Variants in FBXO2 observed in about 807,000 individuals in gnomAD.
The protein encoded by FBXO2 is F-box protein 2.
Under a neutral mutation model 38.6 loss-of-function variants are expected in FBXO2, and 32 were observed. The observed-to-expected ratio is 0.83, with a 90% CI of 0.62 to 1.11. The LOEUF (loss-of-function observed/expected upper bound fraction) is 1.11. FBXO2 is among the 50% of genes most tolerant of loss of function. The pLI, the probability that FBXO2 is intolerant of heterozygous loss-of-function variation, is 0.00. For synonymous variants in FBXO2, 189 were observed against 182.9 expected (o/e 1.03, Z -0.27); for missense variants, 450 against 418.3 (o/e 1.08, Z -0.66).
In FBXO2 at chr1:11,649,958, C is replaced by A. The variant is rs778758319; in HGVS notation, c.508G>T (p.Ala170Ser). The A allele has an allele frequency of 1.2e-6, 2 of 1,614,020 alleles. No individual in the cohort carries two copies. Among genetic ancestry groups the A allele is most frequent in the South Asian group, 2.2e-5 (2 of 91,084 alleles). ...THDESVKKYFASSFEWCRKAQ... is the reference protein window; with the variant it reads ...THDESVKKYFSSSFEWCRKAQ... Reference sequence around the variant, plus strand: ...CCTTCTCCTTACTCAAAGGAGGAGGCGAAGTACTTCTTGACGCTCTCATCG... The same window carrying A: ...CCTTCTCCTTACTCAAAGGAGGAGGAGAAGTACTTCTTGACGCTCTCATCG... The change falls in exon 3 of 6, where the codon GCC becomes TCC. Residue 170 changes from alanine to serine, a missense_variant. Ala to Ser is a moderately conservative substitution (Grantham distance 99). Transcript: ENST00000354287.
chr1:11,652,687 G>A (rs1444142066), intron 1 of FBXO2, among the ~76,000 whole-genome samples: 1 of 152,176 alleles, frequency 6.6e-6, no homozygotes, highest in Non-Finnish European at 1.5e-5. Context: ...TCAGACCTAC[G>A]GATGGGGAGT....
chr1:11,650,766 G>C lies in FBXO2; in HGVS notation c.91C>G (p.Arg31Gly). The C allele has an allele frequency of 6.5e-7, 1 of 1,533,020 alleles. No individual in the cohort carries two copies. Among genetic ancestry groups the C allele is most frequent in the Non-Finnish European group, 8.7e-7 (1 of 1,145,556 alleles). 95.0% of individuals were successfully genotyped at this position (1,533,020 alleles called of 1,614,324 possible). A position where few individuals can be genotyped will look rare whatever the true frequency, so the allele number is the denominator to read the frequency against. The change falls in exon 2 of 6, where the codon CGG (arginine) becomes GGG (glycine). Residue 31 changes from arginine to glycine, a missense_variant. Physicochemically the swap from Arg to Gly is moderately radical, Grantham distance 125. Transcript: ENST00000354287. Reference sequence around the variant, plus strand: ...TCCTCCTCCTGCTGGTCCTCCGGCCGCTCCTCCTCAGCACTCGCCTCCTCT... The same window carrying C: ...TCCTCCTCCTGCTGGTCCTCCGGCCCCTCCTCCTCAGCACTCGCCTCCTCT... ...QPEEASAEEE[R>G]PEDQQEEEAA... is the part of the protein sequence containing the mutation.
In FBXO2 at chr1:11,654,386, C is replaced by T; in HGVS notation, c.-46G>A. ...AGAGGAGGAGCCGGAGCGCTGCGGG[C>T]TGCGCGAGTCCCGGGGCGGCGAGTC... On this transcript the variant is annotated 5_prime_UTR_variant, in exon 1 of 6. Coordinates refer to ENST00000354287, the MANE Select transcript of FBXO2 (RefSeq NM_012168.6). The T allele has an allele frequency of 2.2e-6, 3 of 1,359,686 alleles. No individual in the cohort carries two copies. 84.2% of individuals were successfully genotyped at this position (1,359,686 alleles called of 1,614,324 possible).
chr1:11,650,425 G>A (rs778518968), intron 2 of FBXO2, 41 bp downstream of exon 2: 2 of 1,589,940 alleles, frequency 1.3e-6, no homozygotes, highest in Non-Finnish European at 1.7e-6. Context: ...GGCCCATTTC[G>A]CAGCAGGGGA....
chr1:11,650,125 G>T (rs1358094156), intron 2 of FBXO2, 51 bp from the exon 3 acceptor site: 1 of 1,604,732 alleles, frequency 6.2e-7, no homozygotes, highest in Non-Finnish European at 8.5e-7. Flanking sequence ...TGCTAAGGCT[G>T]GCTCTTGCCA....
chr1:11,649,482 A>G (rs1639476790), intron 4 of FBXO2: 1 of 590,144 alleles, frequency 1.7e-6, no homozygotes, highest in Non-Finnish European at 3.0e-6. Context: ...GGCCAAAGCC[A>G]GTCCACAGAG....
intron 4 of FBXO2, 91 bp from the exon 5 acceptor site, chr1:11,649,316 T>C: frequency 1.1e-5 from 12 of 1,109,514 alleles, no homozygotes; most frequent in Non-Finnish European, 1.4e-5. Flanking sequence ...GATGGGGATT[T>C]CCACAAAAGT....
chr1:11,654,412 C>G lies in FBXO2; in HGVS notation c.-72G>C. 1.5e-6 allele frequency: 2 copies of G among 1,312,364 alleles called. No homozygotes were observed. The highest frequency in any genetic ancestry group is 1.9e-6 in the Non-Finnish European group (2 of 1,028,008). The allele number at this position is 1,312,364 out of a possible 1,614,324, so 81.3% of individuals were successfully genotyped here. On this transcript the variant is annotated 5_prime_UTR_variant, in exon 1 of 6. Coordinates refer to ENST00000354287, the MANE Select transcript of FBXO2 (RefSeq NM_012168.6). ...TGCGCGAGTCCCGGGGCGGCGAGTC[C>G]CGGCGCTGTCCGCGTCTGTGTCGGT...
intron 1 of FBXO2, chr1:11,653,960 T>C: frequency 8.2e-6 from 2 of 243,124 alleles, no homozygotes; most frequent in Non-Finnish European, 1.6e-5. Context: ...GGCCCAGAGC[T>C]GGAAGAGCTG....
chr1:11,649,766 A>G lies in FBXO2; in HGVS notation c.617+13T>C. 1 of 1,612,078 alleles carries G rather than the reference A, an allele frequency of 6.2e-7. No individual in the cohort carries two copies. Among genetic ancestry groups the G allele is most frequent in the Non-Finnish European group, 8.5e-7 (1 of 1,179,282 alleles). On this transcript the variant is annotated intron_variant, in intron 4 of 5. Coordinates refer to ENST00000354287, the MANE Select transcript of FBXO2 (RefSeq NM_012168.6). ...GCTCCTCCCAGCCCCATGCCACCCC[A>G]GGACCCTCTCACCAGTCCTTCACCA...
chr1:11,648,782 C>A lies in FBXO2; in HGVS notation c.803G>T (p.Arg268Leu). Residue 268 changes from arginine (R) to leucine (L), a missense_variant, in exon 6 of 6, where the codon CGC becomes CTC. Transcript: ENST00000354287. The surrounding 1 kb of genome is among the most constrained non-coding windows in gnomAD (Gnocchi z 4.2). ...TDYGPGVRFVRFEHGGQDSVY... is the reference protein window; with the variant it reads ...TDYGPGVRFVLFEHGGQDSVY... ...GGAGTCCTGCCCCCCGTGCTCGAAG[C>A]GGACGAAGCGGACGCCCGGCCCGTA... 3.1e-6 allele frequency: 5 copies of A among 1,613,714 alleles called. No individual in the cohort carries two copies. The highest frequency in any genetic ancestry group is 4.2e-6 in the Non-Finnish European group (5 of 1,180,016).
intron 1 of FBXO2, chr1:11,653,463 A>G (rs1639577299): frequency 6.6e-6 from 1 of 152,122 alleles, no homozygotes; most frequent in Non-Finnish European, 1.5e-5. Flanking sequence ...GGAGCCCTAC[A>G]GAGGGTGTGG....
chr1:11,651,977 G>A (rs1639529735), intron 1 of FBXO2, among the ~76,000 whole-genome samples: 1 of 152,216 alleles, frequency 6.6e-6, no homozygotes, highest in Non-Finnish European at 1.5e-5. Context: ...GGGATTAAAG[G>A]CGTCAGCCAC....
At chr1:11,654,166 T>C (rs978468171) in intron 1 of FBXO2, 153 bp downstream of exon 1, 1 of 796,306 alleles carries the variant, frequency 1.3e-6, no homozygotes, top group Non-Finnish European at 1.9e-6. Flanking sequence ...AGAGACGTGC[T>C]CTTTGGAGAC....
chr1:11,650,751 G>A lies in FBXO2; in HGVS notation c.106C>T (p.Gln36Ter), dbSNP rs1447650869. 2 of 1,531,508 alleles carry A rather than the reference G, an allele frequency of 1.3e-6. No individual in the cohort carries two copies. The highest frequency in any genetic ancestry group is 8.7e-7 in the Non-Finnish European group (1 of 1,145,194). 94.9% of individuals were successfully genotyped at this position (1,531,508 alleles called of 1,614,324 possible). A position where few individuals can be genotyped will look rare whatever the true frequency, so the allele number is the denominator to read the frequency against. The change falls in exon 2 of 6, where the codon CAG (glutamine) becomes TAG (stop). Residue 36 changes from glutamine to a stop codon, truncating the protein, a stop_gained. Transcript: ENST00000354287. LOFTEE classifies it high-confidence loss of function. ...SAEEERPEDQ[Q>*]EEEAAAAAAY... Reference sequence around the variant, plus strand: ...GCGGCGGCCGCCGCCTCCTCCTCCTGCTGGTCCTCCGGCCGCTCCTCCTCA... The same window carrying A: ...GCGGCGGCCGCCGCCTCCTCCTCCTACTGGTCCTCCGGCCGCTCCTCCTCA...
At position 11,648,772 on chromosome 1, in the gene FBXO2, G is replaced by A. The variant is rs745717474; in HGVS notation, c.813C>T (p.His271=). 4 of 1,613,582 alleles carry A rather than the reference G, an allele frequency of 2.5e-6. No homozygotes were observed. Among genetic ancestry groups the A allele is most frequent in the East Asian group, 2.2e-5 (1 of 44,882 alleles). ...TCCAGTAGACGGAGTCCTGCCCCCC[G>A]TGCTCGAAGCGGACGAAGCGGACGC... ...GPGVRFVRFE[H]GGQDSVYWKG... Residue 271 remains histidine, a synonymous_variant, in exon 6 of 6, where the codon CAC becomes CAT. Transcript: ENST00000354287. This position sits in a 1 kb window ranked among gnomAD's most constrained non-coding sequence, Gnocchi z 4.2.
chr1:11,649,693 C>A (rs951423334), intron 4 of FBXO2, 86 bp downstream of exon 4: 28 of 1,421,478 alleles, frequency 2.0e-5, no homozygotes, highest in Non-Finnish European at 2.5e-5. Flanking sequence ...GGAGGCAGCA[C>A]CCCCAGGCGG....
Position 11,648,985 on chromosome 1 carries a change from G to GCCCAA in FBXO2, c.756+101_756+102insTTGGG. The GCCCAA allele has an allele frequency of 7.1e-7, 1 of 1,404,600 alleles. No homozygotes were observed. The highest frequency in any genetic ancestry group is 9.7e-7 in the Non-Finnish European group (1 of 1,031,382). 87.0% of individuals were successfully genotyped at this position (1,404,600 alleles called of 1,614,324 possible). On this transcript the variant is annotated intron_variant, in intron 5 of 5. Coordinates refer to ENST00000354287, the MANE Select transcript of FBXO2 (RefSeq NM_012168.6). This position sits in a 1 kb window ranked among gnomAD's most constrained non-coding sequence, Gnocchi z 4.2. ...CCGGTGACTATCTCAGCCCAGCCCA[G>GCCCAA]CCCAGCCCACCCCAGCCCAGGAGCG...
chr1:11,653,543 G>C (rs1288016349), intron 1 of FBXO2: 1 of 152,642 alleles, frequency 6.6e-6, no homozygotes, highest in South Asian at 2.1e-4. Context: ...CGGGGGAATG[G>C]GGGGTGAGGG....
Sources: allele counts gnomAD v4.1 joint callset (sites outside exome capture counted in the v4.1 genomes callset), GRCh38; gene constraint gnomAD v4.1.1; non-coding constraint Gnocchi (gnomAD v3.1); transcripts MANE v1.5; gene names NCBI Gene and HGNC (gene_info 2026-07-23, HGNC 2026-07-21).